KAZN: variants seen among roughly 807,000 people sequenced by gnomAD.
KAZN encodes kazrin, periplakin interacting protein.
KAZN carries 40 observed loss-of-function variants against 87.4 expected under a neutral mutation model. The ratio of observed to expected loss-of-function variants is 0.46; its 90% CI spans 0.36 to 0.60. The LOEUF is 0.60. Ranked by LOEUF, KAZN falls within the 20% of genes least tolerant of loss-of-function variation. KAZN has a pLI of 0.00. For synonymous variants in KAZN, 466 were observed against 458.3 expected (o/e 1.02, Z -0.22); for missense variants, 898 against 1,073.9 (o/e 0.84, Z 2.29).
chr1:14,083,685 A>T (rs1643760489), intron 1 of KAZN, among the ~76,000 whole-genome samples: 1 of 152,214 alleles, frequency 6.6e-6, no homozygotes, highest in African/African-American at 2.4e-5. Flanking sequence ...ATATGTGTAA[A>T]CATGCACATA....
At chr1:15,105,626 T>C (rs1487984312) in intron 13 of KAZN, among the ~76,000 whole-genome samples, 1 of 152,094 alleles carries the variant, frequency 6.6e-6, no homozygotes, top group Admixed American at 6.6e-5. Flanking sequence ...AGATTTGACC[T>C]TGGGGCTCTC....
chr1:14,849,512 C>A (rs1453762736), intron 1 of KAZN, among the ~76,000 whole-genome samples: 1 of 152,172 alleles, frequency 6.6e-6, no homozygotes, highest in Non-Finnish European at 1.5e-5. Context: ...CCTAGAATAG[C>A]AGGGCTTATG....
rs544234835 is a variant in KAZN at position 14,983,232 on chromosome 1, G to T, written c.418+22357G>T. Among the ~76,000 whole-genome samples the T allele has an allele frequency of 3.9e-5, 6 of 152,228 alleles. No individual in the cohort carries two copies. In the East Asian group the frequency reaches 1.2e-3, roughly 29 times the overall value. On this transcript the variant is annotated intron_variant, in intron 2 of 14. Transcript: ENST00000376030. ...CACCAAGGTTCATGGGCGGGGTAAG[G>T]CTGTACACCCCCTACCTCCACCCCG...
intron 1 of KAZN, among the ~76,000 whole-genome samples, chr1:14,676,678 A>G (rs1640239432): frequency 6.6e-6 from 1 of 152,226 alleles, no homozygotes; most frequent in South Asian, 2.1e-4. Context: ...ACATCATGCT[A>G]AAGGGAAAAA....
At chr1:14,321,724 TG>T (rs1656064285) in intron 2 of KAZN, among the ~76,000 whole-genome samples, 1 of 152,102 alleles carries the variant, frequency 6.6e-6, no homozygotes, top group Non-Finnish European at 1.5e-5. Flanking sequence ...AAATGGCAGG[TG>T]GTGGGGCAAT....
chr1:14,305,725 G>A (rs184522312), intron 2 of KAZN, among the ~76,000 whole-genome samples: 4 of 151,474 alleles, frequency 2.6e-5, no homozygotes, highest in East Asian at 3.9e-4. Context: ...GCAGGGTATC[G>A]CTAAGAACCA....
intron 1 of KAZN, among the ~76,000 whole-genome samples, chr1:14,674,424 G>A (rs909647736): frequency 1.3e-5 from 2 of 152,232 alleles, no homozygotes; most frequent in South Asian, 2.1e-4. Context: ...TGGGCTCCTG[G>A]AAGGAAGGGG....
chr1:14,512,624 GA>G (rs1306779582), intron 2 of KAZN, among the ~76,000 whole-genome samples: 1 of 152,138 alleles, frequency 6.6e-6, no homozygotes, highest in East Asian at 1.9e-4. Context: ...TAAAGCCCCA[GA>G]AAAGCTAAGG....
intron 1 of KAZN, among the ~76,000 whole-genome samples, chr1:14,862,250 C>T (rs1454271035): frequency 2.6e-5 from 4 of 152,190 alleles, no homozygotes; most frequent in African/African-American, 9.6e-5. Context: ...CAAGTGCCAG[C>T]AGACCCAGAG....
At chr1:14,500,153 C>A in intron 2 of KAZN, among the ~76,000 whole-genome samples, 1 of 152,090 alleles carries the variant, frequency 6.6e-6, no homozygotes, top group East Asian at 1.9e-4. Context: ...AGTCATGATG[C>A]TACCCTGCCC....
Position 15,056,258 on chromosome 1 carries a change from C to G in KAZN, c.894C>G (p.Pro298=), listed in dbSNP as rs1196665810. The G allele has an allele frequency of 5.6e-6, 9 of 1,608,990 alleles. No homozygotes were observed. Among genetic ancestry groups the G allele is most frequent in the East Asian group, 4.5e-5 (2 of 44,674 alleles). The change falls in exon 5 of 15, where the codon CCC becomes CCG. Residue 298 remains proline, a synonymous_variant. Transcript: ENST00000376030. The surrounding 1 kb of genome is among the most constrained non-coding windows in gnomAD (Gnocchi z 5.4). ...QSQQTLYHSH[P]PHPADRQAVR... ...AACAGACTCTCTACCACTCACACCC[C>G]CCTCACCCTGCGGACCGGCAAGGTG...
chr1:14,873,136 A>C (rs1652372492), intron 1 of KAZN, among the ~76,000 whole-genome samples: 1 of 149,134 alleles, frequency 6.7e-6, no homozygotes, highest in African/African-American at 2.5e-5. Context: ...GGATGGATGG[A>C]TGGATGGAAG....
At chr1:14,262,286 C>T (rs908227205) in intron 2 of KAZN, among the ~76,000 whole-genome samples, 2 of 151,998 alleles carry the variant, frequency 1.3e-5, no homozygotes, top group African/African-American at 2.4e-5. Flanking sequence ...TTAAGCAGAC[C>T]ATATAAGTGG....
intron 2 of KAZN, among the ~76,000 whole-genome samples, chr1:14,383,992 C>T (rs369950130): frequency 6.6e-6 from 1 of 151,956 alleles, no homozygotes; most frequent in Non-Finnish European, 1.5e-5. Flanking sequence ...TTATTTCCTT[C>T]AGCAGTGGTT....
chr1:14,512,308 G>A (rs1208280134), intron 2 of KAZN, among the ~76,000 whole-genome samples: 1 of 152,062 alleles, frequency 6.6e-6, no homozygotes, highest in Non-Finnish European at 1.5e-5. Flanking sequence ...TGATATTTGG[G>A]GCTGGATCAT....
intron 1 of KAZN, among the ~76,000 whole-genome samples, chr1:14,775,164 A>C (rs1057370140): frequency 1.3e-5 from 2 of 152,208 alleles, no homozygotes; most frequent in African/African-American, 4.8e-5. Flanking sequence ...GCAACCAGGT[A>C]TGATCCCATT....
intron 2 of KAZN, among the ~76,000 whole-genome samples, chr1:14,425,265 C>G (rs1665658795): frequency 6.6e-6 from 1 of 152,198 alleles, no homozygotes; most frequent in African/African-American, 2.4e-5. Context: ...TACATCTTAC[C>G]AAGCCTCAGG....
At chr1:14,650,456 C>T (rs1429072628) in intron 1 of KAZN, among the ~76,000 whole-genome samples, 1 of 152,168 alleles carries the variant, frequency 6.6e-6, no homozygotes, top group Non-Finnish European at 1.5e-5. Flanking sequence ...AGGAGGATGG[C>T]CTGGGCCCAG....
At chr1:14,125,988 C>A (rs1223892114) in intron 1 of KAZN, among the ~76,000 whole-genome samples, 1 of 151,690 alleles carries the variant, frequency 6.6e-6, no homozygotes, top group Non-Finnish European at 1.5e-5. Flanking sequence ...GAGTTGCGGG[C>A]AGCTCTTACC....
Sources: gnomAD v4.1 joint callset for allele counts (sites outside exome capture counted in the v4.1 genomes callset) on GRCh38, gnomAD v4.1.1 for gene constraint, Gnocchi (gnomAD v3.1) non-coding constraint, MANE v1.5 for transcripts, NCBI Gene and HGNC (gene_info 2026-07-23, HGNC 2026-07-21) for gene names.